Variants in BTD observed in about 807,000 individuals in gnomAD.
The protein encoded by BTD is biotinidase, also known as biocytinase.
BTD carries 13 observed loss-of-function variants against 17.7 expected under a neutral mutation model. That is an observed-to-expected ratio of 0.74 (90% CI 0.48 to 1.17). The LOEUF is 1.17. Ranked by LOEUF, BTD falls within the 50% of genes most tolerant of loss-of-function variation. BTD has a pLI of 0.00. For synonymous variants in BTD, 240 were observed against 245.2 expected, an observed-to-expected ratio of 0.98 and a Z score of 0.20; for missense variants, 674 against 650.4, an observed-to-expected ratio of 1.04 and a Z score of -0.39.
At chr3:15,602,191 A>T (rs1446373661) in intron 1 of BTD, 10 of 1,389,556 alleles carry the variant, frequency 7.2e-6, no homozygotes, top group Non-Finnish European at 9.3e-6. Flanking sequence ...TGTGTACCCC[A>T]GCAAGAGATA....
chr3:15,644,409 A>G lies in BTD; in HGVS notation c.493A>G (p.Arg165Gly). Reference protein sequence around the residue: ...TKEPCHSSDPRCPKDGRYQFN... With the variant: ...TKEPCHSSDPGCPKDGRYQFN... ...GGAGCCTTGTCATAGCAGTGACCCA[A>G]GGTGCCCAAAAGATGGGAGATACCA... Residue 165 changes from arginine (R) to glycine (G), a missense_variant, in exon 4 of 4, where the codon AGG (arginine) becomes GGG (glycine). Arg to Gly is a moderately radical substitution (Grantham distance 125, BLOSUM62 -2). Transcript: ENST00000643237. 6.8e-6 allele frequency: 11 copies of G among 1,614,152 alleles called. No homozygotes were observed. The highest frequency in any genetic ancestry group is 9.3e-6 in the Non-Finnish European group (11 of 1,180,034).
chr3:15,617,023 G>A (rs568815167), intron 1 of BTD, among the ~76,000 whole-genome samples: 2 of 152,104 alleles, frequency 1.3e-5, no homozygotes, highest in East Asian at 1.9e-4. Flanking sequence ...TAGTAGAGAC[G>A]GGGGTTTCAC....
chr3:15,648,576 T>G lies in BTD; in HGVS notation c.*3088T>G, dbSNP rs183867044. The stretch of plus-strand genomic sequence containing the variant: ...CTCTCATGAGGCTACAGTCAAGATG[T>G]CAGCCGAGGTGACAGTGAAGATATC... On this transcript the variant is annotated 3_prime_UTR_variant, in exon 4 of 4. Transcript: ENST00000643237. Among the ~76,000 whole-genome samples the G allele has an allele frequency of 1.3e-5, 2 of 152,320 alleles. No individual in the cohort carries two copies. Among genetic ancestry groups the G allele is most frequent in the Non-Finnish European group, 2.9e-5 (2 of 68,036 alleles).
At chr3:15,619,534 C>A (rs2064889490) in intron 1 of BTD, among the ~76,000 whole-genome samples, 1 of 152,180 alleles carries the variant, frequency 6.6e-6, no homozygotes, top group Admixed American at 6.5e-5. Context: ...TGTATAATTT[C>A]TTCTATGGAT....
chr3:15,692,020 G>T (rs2068865813), intron 3 of BTD, among the ~76,000 whole-genome samples: 1 of 151,936 alleles, frequency 6.6e-6, no homozygotes, highest in African/African-American at 2.4e-5. Flanking sequence ...CATGCCTGTG[G>T]TCCCAGCTAT....
Position 15,636,541 on chromosome 3 carries a change from G to T in BTD, c.249+853G>T, listed in dbSNP as rs114732539. ...TTTGGGCTGTAACTCTGGTGGCAGG[G>T]TGACCAAGCGCAGCTGCTTGAGGAA... On this transcript the variant is annotated intron_variant, in intron 2 of 3. Transcript: ENST00000643237. Among the ~76,000 whole-genome samples the T allele has an allele frequency of 6.6e-3, 1,008 of 152,278 alleles. 8 individuals are homozygous for T. The highest frequency in any genetic ancestry group is 0.023 in the African/African-American group (954 of 41,566).
intron 1 of BTD, among the ~76,000 whole-genome samples, chr3:15,603,382 G>A (rs1334477226): frequency 6.6e-6 from 1 of 152,228 alleles, no homozygotes; most frequent in Non-Finnish European, 1.5e-5. Flanking sequence ...TAGTGGCTGG[G>A]CGCAGTGGCT....
Position 15,649,125 on chromosome 3 carries a change from T to TA in BTD, c.*3638dup, listed in dbSNP as rs1681272597. Reference sequence around the variant, plus strand: ...TGATATGGCAGACCTAGGAAACAAATACAGAGGATCACTTGCAAAATGGCC... The same window carrying TA: ...TGATATGGCAGACCTAGGAAACAAATAACAGAGGATCACTTGCAAAATGGCC... On this transcript the variant is annotated 3_prime_UTR_variant, in exon 4 of 4. Transcript: ENST00000643237. Among the ~76,000 whole-genome samples the TA allele has an allele frequency of 6.6e-6, 1 of 152,166 alleles. No homozygotes were observed. The highest frequency in any genetic ancestry group is 6.5e-5 in the Admixed American group (1 of 15,288).
intron 4 of BTD, among the ~76,000 whole-genome samples, chr3:15,719,607 C>T (rs1363969111): frequency 6.6e-6 from 1 of 152,130 alleles, no homozygotes; most frequent in Non-Finnish European, 1.5e-5. Context: ...TCTCACCTGT[C>T]GCCCAGGCTA....
In BTD at chr3:15,685,013, C is replaced by G. The variant is rs753441973; in HGVS notation, c.400-25047C>G. Reference sequence around the variant, plus strand: ...ACCTCAAAAATACTTCATGGCTTATCTCAGAACACCTTTGACAACTAGTGT... The same window carrying G: ...ACCTCAAAAATACTTCATGGCTTATGTCAGAACACCTTTGACAACTAGTGT... On this transcript the variant is annotated intron_variant, in intron 3 of 3. Transcript: ENST00000672141. The G allele has an allele frequency of 7.0e-6, 4 of 571,748 alleles. No homozygotes were observed. In the African/African-American group the frequency reaches 7.5e-5, roughly 11 times the overall value. 35.4% of individuals were successfully genotyped at this position (571,748 alleles called of 1,614,324 possible).
At chr3:15,682,092 G>T (rs943797173) in intron 3 of BTD, among the ~76,000 whole-genome samples, 5 of 151,966 alleles carry the variant, frequency 3.3e-5, no homozygotes, top group Non-Finnish European at 5.9e-5. Context: ...AAAAAAATAT[G>T]AATAAAAACA....
At position 15,680,266 on chromosome 3, in the gene BTD, G is replaced by A. The variant is rs529279462; in HGVS notation, c.400-29794G>A. ...GTTGCCCAGCCTGGAGTGCAGTGGC[G>A]CGATCTTGGCTCACTGCAACCTCTG... is the stretch of plus-strand genomic sequence containing the variant. On this transcript the variant is annotated intron_variant, in intron 3 of 3. Coordinates refer to the BTD transcript ENST00000672141. Among the ~76,000 whole-genome samples, 9 of 151,888 alleles carry A rather than the reference G, an allele frequency of 5.9e-5. No individual in the cohort carries two copies. In the East Asian group the frequency reaches 9.7e-4, roughly 16 times the overall value.
intron 1 of BTD, among the ~76,000 whole-genome samples, chr3:15,607,297 C>T (rs1217891150): frequency 6.6e-6 from 1 of 152,176 alleles, no homozygotes; most frequent in Non-Finnish European, 1.5e-5. Context: ...ATACTCATAA[C>T]ATGCTCTCCA....
chr3:15,662,846 G>T (rs1377671982), intron 3 of BTD, among the ~76,000 whole-genome samples: 1 of 126,424 alleles, frequency 7.9e-6, no homozygotes, highest in Non-Finnish European at 1.6e-5. Flanking sequence ...TCTTGCCCAG[G>T]CTGGAGGTTT....
chr3:15,718,081 G>A (rs1033260779), intron 4 of BTD, among the ~76,000 whole-genome samples: 4 of 152,066 alleles, frequency 2.6e-5, no homozygotes, highest in African/African-American at 2.4e-5. Flanking sequence ...TAATAACACC[G>A]ATTTTACAAA....
At chr3:15,693,662 G>A (rs2069127745) in intron 3 of BTD, among the ~76,000 whole-genome samples, 1 of 152,070 alleles carries the variant, frequency 6.6e-6, no homozygotes, top group African/African-American at 2.4e-5. Flanking sequence ...TTCATCAATA[G>A]TAAAATGGCT....
At chr3:15,718,825 GA>G (rs2073378542) in intron 4 of BTD, among the ~76,000 whole-genome samples, 2 of 152,262 alleles carry the variant, frequency 1.3e-5, no homozygotes, top group Middle Eastern at 3.4e-3. Flanking sequence ...GTTTGCTTTT[GA>G]AAATGTCAAG....
chr3:15,687,869 T>G (rs191421255), intron 3 of BTD, among the ~76,000 whole-genome samples: 1 of 152,316 alleles, frequency 6.6e-6, no homozygotes, highest in Admixed American at 6.5e-5. Flanking sequence ...TGAATGTTTG[T>G]GTCATCTAAG....
chr3:15,617,344 G>C (rs983813868), intron 1 of BTD, among the ~76,000 whole-genome samples: 1 of 151,906 alleles, frequency 6.6e-6, no homozygotes, highest in African/African-American at 2.4e-5. Flanking sequence ...TTTCTTTTTT[G>C]TCCAACACAA....
Sources: gnomAD v4.1 joint callset for allele counts (sites outside exome capture counted in the v4.1 genomes callset) on GRCh38, gnomAD v4.1.1 for gene constraint, MANE v1.5 for transcripts, NCBI Gene and HGNC (gene_info 2026-07-23, HGNC 2026-07-21) for gene names.